The following OSBPL5 variants were observed in gnomAD, a reference collection of about 807,000 sequenced individuals.
The protein encoded by OSBPL5 is oxysterol binding protein like 5, also known as oxysterol-binding protein-related protein 5.
A neutral mutation model predicts 111.2 loss-of-function variants in OSBPL5; 71 were observed. The ratio of observed to expected loss-of-function variants is 0.64; its 90% CI spans 0.53 to 0.78. The LOEUF (loss-of-function observed/expected upper bound fraction) is 0.78, where lower values mean the gene tolerates loss of function less well. Ranked by LOEUF, OSBPL5 falls within the 30% of genes least tolerant of loss-of-function variation. The pLI is 0.00. For synonymous variants in OSBPL5, 549 were observed against 513.9 expected, an observed-to-expected ratio of 1.07 and a Z score of -0.93; for missense variants, 1,210 against 1,189.3, an observed-to-expected ratio of 1.02 and a Z score of -0.26.
At chr11:3,164,814 C>T (rs958860461) in intron 1 of OSBPL5, among the ~76,000 whole-genome samples, 1 of 152,172 alleles carries the variant, frequency 6.6e-6, no homozygotes, top group South Asian at 2.1e-4. Context: ...GGGGGACAGA[C>T]CCCCTGATTG....
intron 3 of OSBPL5, among the ~76,000 whole-genome samples, chr11:3,125,439 G>A (rs1858577117): frequency 6.6e-6 from 1 of 152,198 alleles, no homozygotes; most frequent in African/African-American, 2.4e-5. Flanking sequence ...GCACGAAGAT[G>A]TTCAATGTTA....
rs374061541 is a variant in OSBPL5, at chr11:3,129,071, C to T, written c.78G>A (p.Arg26=). The T allele has an allele frequency of 8.2e-5, 130 of 1,578,136 alleles. No individual in the cohort carries two copies. The highest frequency in any genetic ancestry group is 1.0e-4 in the Non-Finnish European group (116 of 1,163,176). The change falls in exon 2 of 22, where the codon CGG becomes CGA. Residue 26 remains arginine (R), a synonymous_variant. Transcript: ENST00000263650. ...TGAGGAGCAAGTTCCGGGTGAGCTTCCGGGGGTCGACTTTCTGAGGGGTGG... is the reference window on the plus strand; with the variant it reads ...TGAGGAGCAAGTTCCGGGTGAGCTTTCGGGGGTCGACTTTCTGAGGGGTGG... ...PSSTPQKVDP[R]KLTRNLLLSG...
intron 1 of OSBPL5, among the ~76,000 whole-genome samples, chr11:3,159,021 C>T (rs544361169): frequency 1.5e-3 from 222 of 152,252 alleles, no homozygotes; most frequent in Middle Eastern, 3.4e-3. Flanking sequence ...AGCAGCACCA[C>T]GACCCTGCCA....
intron 14 of OSBPL5, among the ~76,000 whole-genome samples, chr11:3,096,314 C>T (rs1169159901): frequency 6.6e-6 from 1 of 152,068 alleles, no homozygotes; most frequent in Non-Finnish European, 1.5e-5. Flanking sequence ...AGTATTGTGG[C>T]TATGGTTAAG....
chr11:3,100,267 A>G lies in OSBPL5; in HGVS notation c.1523-11T>C, dbSNP rs1167098361. Reference sequence around the variant, plus strand: ...CCGACAGCGAGTTCCCTGCAGAGACAAGAGACAGCAGGACCAGTGAGTGCG... The same window carrying G: ...CCGACAGCGAGTTCCCTGCAGAGACGAGAGACAGCAGGACCAGTGAGTGCG... On this transcript the variant is annotated splice_polypyrimidine_tract_variant and intron_variant, in intron 13 of 21. Transcript: ENST00000263650. 1.2e-6 allele frequency: 2 copies of G among 1,613,198 alleles called. No individual in the cohort carries two copies. The highest frequency in any genetic ancestry group is 1.7e-5 in the Admixed American group (1 of 59,944).
In OSBPL5 at chr11:3,103,313, C is replaced by T; in HGVS notation, c.1252G>A (p.Val418Met). The stretch of plus-strand genomic sequence containing the variant: ...ATGCGGCTGTAGGCATCCTCCTCCA[C>T]CGCAGCCCTGCCATGGGGCAGGAGA... ...YHADLLSRAAVEEDAYSRMKL... is the reference protein window; with the variant it reads ...YHADLLSRAAMEEDAYSRMKL... The change falls in exon 11 of 22, where the codon GTG (valine) becomes ATG (methionine). Residue 418 changes from valine (V) to methionine (M), a missense_variant. By Grantham distance (21) the Val-to-Met change is conservative. Coordinates refer to ENST00000263650, the MANE Select transcript of OSBPL5 (RefSeq NM_020896.4). 4 of 1,605,560 alleles carry T rather than the reference C, an allele frequency of 2.5e-6. No individual in the cohort carries two copies. Among genetic ancestry groups the T allele is most frequent in the Non-Finnish European group, 3.4e-6 (4 of 1,175,916 alleles).
intron 7 of OSBPL5, among the ~76,000 whole-genome samples, chr11:3,112,010 C>CATGTGTATGTGCGT (rs1857973838): frequency 8.8e-6 from 1 of 114,014 alleles, no homozygotes; most frequent in African/African-American, 3.5e-5. Flanking sequence ...TGTGTGTGTG[C>CATGTGTATGTGCGT]GCGCATGTGT....
chr11:3,140,919 C>T lies in OSBPL5; in HGVS notation c.-21-11750G>A, dbSNP rs1846090685. Among the ~76,000 whole-genome samples, 1 of 151,666 alleles carries T rather than the reference C, an allele frequency of 6.6e-6. No individual in the cohort carries two copies. Among genetic ancestry groups the T allele is most frequent in the Non-Finnish European group, 1.5e-5 (1 of 67,908 alleles). Reference sequence around the variant, plus strand: ...TGTGACAGCCCAGGGGGCCCTGGGGCCAGGTGACCACCTCAGAGCCACTCC... The same window carrying T: ...TGTGACAGCCCAGGGGGCCCTGGGGTCAGGTGACCACCTCAGAGCCACTCC... On this transcript the variant is annotated intron_variant, in intron 1 of 21. Coordinates refer to ENST00000263650, the MANE Select transcript of OSBPL5 (RefSeq NM_020896.4). The surrounding 1 kb of genome is among the most constrained non-coding windows in gnomAD (Gnocchi z 4.5).
rs948131397 is a variant in OSBPL5 at position 3,161,663 on chromosome 11, C to T, written c.-22+3553G>A. 2.0e-5 allele frequency among the ~76,000 whole-genome samples: 3 copies of T among 152,314 alleles called. No individual in the cohort carries two copies. The highest frequency in any genetic ancestry group is 1.9e-4 in the East Asian group (1 of 5,178). On this transcript the variant is annotated intron_variant, in intron 1 of 21. Transcript: ENST00000263650. This position sits in a 1 kb window ranked among gnomAD's most constrained non-coding sequence, Gnocchi z 8.0. ...ACCAGGGACAGATGCCACGCACCAG[C>T]GGCGCCCACCATGAACCTGGCTTGG...
Position 3,112,718 on chromosome 11 carries a change from C to T in OSBPL5, c.692-4773G>A, listed in dbSNP as rs1858048426. ...GTTAAATGATAGGTAGTCCCTACTA[C>T]ATAAAATTGGTCTCCTTATGCAATC... On this transcript the variant is annotated intron_variant, in intron 7 of 21. Coordinates refer to ENST00000263650, the MANE Select transcript of OSBPL5 (RefSeq NM_020896.4). Among the ~76,000 whole-genome samples the T allele has an allele frequency of 3.3e-5, 5 of 152,302 alleles. No individual in the cohort carries two copies. In the South Asian group the frequency reaches 1.0e-3, roughly 32 times the overall value.
rs533182190 is a variant in OSBPL5 at position 3,107,862 on chromosome 11, C to T, written c.775G>A (p.Gly259Arg). Residue 259 changes from glycine (G) to arginine (R), a missense_variant, in exon 8 of 22, where the codon GGG becomes AGG. Coordinates refer to ENST00000263650, the MANE Select transcript of OSBPL5 (RefSeq NM_020896.4). This position sits in a 1 kb window ranked among gnomAD's most constrained non-coding sequence, Gnocchi z 6.1. The part of the protein sequence containing the change: ...RLGTCKPGRD[G>R]EPGTSPDASP... ...GCGTCTGGCGAGGTCCCTGGCTCCC[C>T]GTCTCGGCCCGGCTTGCAGGTGCCC... 12 of 1,609,312 alleles carry T rather than the reference C, an allele frequency of 7.5e-6. No individual in the cohort carries two copies. The highest frequency in any genetic ancestry group is 5.5e-5 in the South Asian group (5 of 91,066).
Position 3,093,832 on chromosome 11 carries a change from A to T in OSBPL5, c.1723T>A (p.Phe575Ile), listed in dbSNP as rs767514582. 2 of 1,611,042 alleles carry T rather than the reference A, an allele frequency of 1.2e-6. No individual in the cohort carries two copies. The highest frequency in any genetic ancestry group is 1.7e-6 in the Non-Finnish European group (2 of 1,179,674). ...QAQLEFKLKPFFGGSTSINQI... is the reference protein window; with the variant it reads ...QAQLEFKLKPIFGGSTSINQI... ...TTGATGCTGGTGCTACCCCCGAAGA[A>T]GGGCTGCGGGGCCACACCCAGAACA... is the stretch of plus-strand genomic sequence containing the variant. Residue 575 changes from phenylalanine to isoleucine, a missense_variant, in exon 16 of 22, where the codon TTC (phenylalanine) becomes ATC (isoleucine). By Grantham distance (21) the Phe-to-Ile change is conservative. Transcript: ENST00000263650.
In OSBPL5 at chr11:3,097,215, G is replaced by A. The variant is rs865817191; in HGVS notation, c.1622-2881C>T. Among the ~76,000 whole-genome samples, 8 of 150,998 alleles carry A rather than the reference G, an allele frequency of 5.3e-5. No homozygotes were observed. The South Asian group carries it at 8.4e-4, about 16-fold the overall frequency. ...TGAGATCTTGGTTTCTGAGGTTGCC[G>A]TGGAAAGTGGTAGACAGGTCCTTGG... On this transcript the variant is annotated intron_variant, in intron 14 of 21. Coordinates refer to ENST00000263650, the MANE Select transcript of OSBPL5 (RefSeq NM_020896.4).
chr11:3,118,474 T>A (rs1355774939), intron 7 of OSBPL5, among the ~76,000 whole-genome samples: 1 of 152,052 alleles, frequency 6.6e-6, no homozygotes, highest in Non-Finnish European at 1.5e-5. Context: ...CTAAAATGTA[T>A]AAAACCAAAC....
In OSBPL5 at chr11:3,154,360, G is replaced by A. The variant is rs1267240980; in HGVS notation, c.-22+10856C>T. 1.3e-5 allele frequency among the ~76,000 whole-genome samples: 2 copies of A among 152,218 alleles called. No individual in the cohort carries two copies. Among genetic ancestry groups the A allele is most frequent in the Non-Finnish European group, 2.9e-5 (2 of 68,030 alleles). ...TCCTGGCCTCCCCGCCCACTTTGCC[G>A]GTGGGACAGAGTGGCTGACGGCGTG... On this transcript the variant is annotated intron_variant, in intron 1 of 21. Transcript: ENST00000263650. This position sits in a 1 kb window ranked among gnomAD's most constrained non-coding sequence, Gnocchi z 4.9.
At position 3,109,243 on chromosome 11, in the gene OSBPL5, A is replaced by T. The variant is rs1032684606; in HGVS notation, c.692-1298T>A. On this transcript the variant is annotated intron_variant, in intron 7 of 21. Transcript: ENST00000263650. The surrounding 1 kb of genome is among the most constrained non-coding windows in gnomAD (Gnocchi z 7.4). ...GCTGGGATTACAGGTGCCTGCCTGT[A>T]ATTTTTTTGTATTTTTAGTAGAGAT... Among the ~76,000 whole-genome samples the T allele has an allele frequency of 1.3e-5, 2 of 150,742 alleles. No homozygotes were observed. The highest frequency in any genetic ancestry group is 4.9e-5 in the African/African-American group (2 of 40,878).
In OSBPL5 at chr11:3,106,527, G is replaced by A. The variant is rs1857700626; in HGVS notation, c.1059+736C>T. ...CCTGAGGCGCCCCACGGTGCCCAGG[G>A]CCACGTGAGTTCTCTCCAGCTGCGG... On this transcript the variant is annotated intron_variant, in intron 9 of 21. Coordinates refer to ENST00000263650, the MANE Select transcript of OSBPL5 (RefSeq NM_020896.4). This position sits in a 1 kb window ranked among gnomAD's most constrained non-coding sequence, Gnocchi z 8.4. Among the ~76,000 whole-genome samples, 2 of 152,150 alleles carry A rather than the reference G, an allele frequency of 1.3e-5. No homozygotes were observed. Among genetic ancestry groups the A allele is most frequent in the African/African-American group, 2.4e-5 (1 of 41,450 alleles).
rs1044210361 is a variant in OSBPL5 at position 3,126,416 on chromosome 11, C to T, written c.219+57G>A. The T allele has an allele frequency of 1.4e-6, 2 of 1,467,474 alleles. 1 individual carries two copies. 90.9% of individuals were successfully genotyped at this position (1,467,474 alleles called of 1,614,324 possible). ...TGCTGTCCTTTTCCCCAGCCGTTTC[C>T]TGCTGTCCCCAGAGCCAGGCTCTGG... is the stretch of plus-strand genomic sequence containing the variant. On this transcript the variant is annotated intron_variant, in intron 3 of 21. Transcript: ENST00000263650. This position sits in a 1 kb window ranked among gnomAD's most constrained non-coding sequence, Gnocchi z 6.5.
At chr11:3,090,314 C>A (rs555638669) in intron 20 of OSBPL5, among the ~76,000 whole-genome samples, 1 of 152,322 alleles carries the variant, frequency 6.6e-6, no homozygotes, top group African/African-American at 2.4e-5. Flanking sequence ...GCTGGGGAGC[C>A]CCTGGCCTGG....
Sources: gnomAD v4.1 joint callset for allele counts (sites outside exome capture counted in the v4.1 genomes callset) on GRCh38, gnomAD v4.1.1 for gene constraint, Gnocchi (gnomAD v3.1) non-coding constraint, MANE v1.5 for transcripts, NCBI Gene and HGNC (gene_info 2026-07-23, HGNC 2026-07-21) for gene names.